PCDH11X: variants seen among roughly 807,000 people sequenced by gnomAD.
The protein encoded by PCDH11X is protocadherin-11 X-linked.
Under a neutral mutation model 53.3 loss-of-function variants are expected in PCDH11X, and 18 were observed. The observed-to-expected ratio is 0.34, with a 90% CI of 0.23 to 0.50. PCDH11X has a LOEUF of 0.50. Ranked by LOEUF, PCDH11X falls within the 20% of genes least tolerant of loss-of-function variation. PCDH11X has a pLI of 0.98. For missense variants in PCDH11X, 570 were observed against 1,032.4 expected, an observed-to-expected ratio of 0.55 and a Z score of 6.14; for synonymous variants, 279 against 393.3, an observed-to-expected ratio of 0.71 and a Z score of 3.44.
At chrX:92,557,823 G>GA (rs773306864) in intron 10 of PCDH11X, among the ~76,000 whole-genome samples, 159 of 106,986 alleles carry the variant, frequency 1.5e-3, no homozygotes, top group Admixed American at 3.2e-3. Flanking sequence ...ACAGTGACAT[G>GA]AAAAAAAAAA....
At chrX:92,382,947 A>G (rs937547275) in intron 8 of PCDH11X, among the ~76,000 whole-genome samples, 2 of 110,621 alleles carry the variant, frequency 1.8e-5, no homozygotes, top group East Asian at 2.8e-4. Flanking sequence ...CAGCTTTTCC[A>G]TATTGAAAAA....
Position 92,382,763 on chromosome X carries a change from A to G in PCDH11X, c.3145-4972A>G, listed in dbSNP as rs183064031. On this transcript the variant is annotated intron_variant, in intron 8 of 10. Coordinates refer to ENST00000682573, the MANE Select transcript of PCDH11X (RefSeq NM_032968.5). ...TTTCAGGGCAAATATTTATTCATGA[A>G]AACGCCAGGATTTATTTCCATCCCA... Among the ~76,000 whole-genome samples, 41 of 109,835 alleles carry G rather than the reference A, an allele frequency of 3.7e-4. No homozygotes were observed. In the East Asian group the frequency reaches 0.011, roughly 29 times the overall value.
intron 5 of PCDH11X, among the ~76,000 whole-genome samples, chrX:91,865,848 G>A (rs766699238): frequency 2.0e-4 from 22 of 111,593 alleles, no homozygotes; most frequent in African/African-American, 6.5e-4. Flanking sequence ...AGGCTCTTAA[G>A]TCAGCTTGTG....
chrX:92,107,587 T>C (rs1411304495), intron 6 of PCDH11X, among the ~76,000 whole-genome samples: 11 of 111,871 alleles, frequency 9.8e-5, no homozygotes, highest in Admixed American at 2.8e-4. Flanking sequence ...AAATACAAAA[T>C]TAGCAGGGCA....
chrX:92,099,649 A>G (rs1179781383), intron 6 of PCDH11X, among the ~76,000 whole-genome samples: 1 of 111,729 alleles, frequency 9.0e-6, no homozygotes, highest in Non-Finnish European at 1.9e-5. Flanking sequence ...CAAACAATAC[A>G]TGTTTTGAGT....
intron 6 of PCDH11X, chrX:91,982,954 C>A: frequency 8.8e-7 from 1 of 1,136,257 alleles, no homozygotes. Context: ...CCGTCATTCA[C>A]ATTAGTGTGA....
intron 6 of PCDH11X, among the ~76,000 whole-genome samples, chrX:92,106,879 G>C (rs1459131284): frequency 9.0e-6 from 1 of 111,291 alleles, no homozygotes; most frequent in African/African-American, 3.3e-5. Flanking sequence ...TGACAGAAGA[G>C]GGGAAGGCAC....
intron 6 of PCDH11X, among the ~76,000 whole-genome samples, chrX:91,971,962 T>A (rs774946081): frequency 9.0e-6 from 1 of 111,621 alleles, no homozygotes; most frequent in Admixed American, 9.6e-5. Flanking sequence ...AAAATTTTAA[T>A]TAGATACAAA....
At chrX:92,345,733 G>A (rs1020766778) in intron 8 of PCDH11X, among the ~76,000 whole-genome samples, 11 of 109,981 alleles carry the variant, frequency 1.0e-4, no homozygotes, top group Admixed American at 2.9e-4. Context: ...ATGAAGTTAC[G>A]TCTGTCATCT....
At position 92,034,482 on chromosome X, in the gene PCDH11X, C is replaced by T. The variant is rs1040477133; in HGVS notation, c.3033+155209C>T. 1.7e-4 allele frequency among the ~76,000 whole-genome samples: 18 copies of T among 108,049 alleles called. 1 individual carries two copies. The East Asian group carries it at 2.8e-3, about 17-fold the overall frequency. 93.8% of individuals were successfully genotyped at this position (108,049 alleles called of 115,157 possible). ...CCTCTTTCTGAATTGACTACTTTAT[C>T]ATTATACTATAACCTTCTTTGTCTC... is the stretch of plus-strand genomic sequence containing the variant. On this transcript the variant is annotated intron_variant, in intron 6 of 10. Coordinates refer to ENST00000682573, the MANE Select transcript of PCDH11X (RefSeq NM_032968.5).
At chrX:92,315,030 G>A (rs1219694040) in intron 8 of PCDH11X, among the ~76,000 whole-genome samples, 1 of 110,292 alleles carries the variant, frequency 9.1e-6, no homozygotes, top group Non-Finnish European at 1.9e-5. Flanking sequence ...TCCCTTTCAA[G>A]TTCTAGCATG....
intron 7 of PCDH11X, among the ~76,000 whole-genome samples, chrX:92,230,118 A>G (rs2067039307): frequency 9.1e-6 from 1 of 109,969 alleles, no homozygotes; most frequent in South Asian, 3.8e-4. Context: ...TTAGAGTGAG[A>G]TAATATTCCA....
At chrX:92,462,007 T>C in intron 9 of PCDH11X, among the ~76,000 whole-genome samples, 1 of 112,566 alleles carries the variant, frequency 8.9e-6, no homozygotes, top group East Asian at 2.8e-4. Context: ...GAGACTTTAA[T>C]TACCTACTGT....
At chrX:92,183,986 T>C (rs1167321491) in intron 6 of PCDH11X, among the ~76,000 whole-genome samples, 1 of 111,855 alleles carries the variant, frequency 8.9e-6, no homozygotes, top group Non-Finnish European at 1.9e-5. Context: ...GACTATTTTT[T>C]TTTTTTGTTT....
At chrX:92,015,471 T>G (rs1362167859) in intron 6 of PCDH11X, among the ~76,000 whole-genome samples, 1 of 112,723 alleles carries the variant, frequency 8.9e-6, no homozygotes, top group Non-Finnish European at 1.9e-5. Flanking sequence ...TTTCAGTCAA[T>G]CCTTTTATGC....
In PCDH11X at chrX:92,221,962, C is replaced by T. The variant is rs146060838; in HGVS notation, c.3114+20507C>T. Among the ~76,000 whole-genome samples the T allele has an allele frequency of 7.4e-3, 813 of 110,482 alleles. 7 individuals are homozygous for T. The highest frequency in any genetic ancestry group is 0.026 in the African/African-American group (776 of 30,423). On this transcript the variant is annotated intron_variant, in intron 7 of 10. Coordinates refer to ENST00000682573, the MANE Select transcript of PCDH11X (RefSeq NM_032968.5). ...TATTTTCCTGCCTCAGCCTCCTGAG[C>T]AGCTGGGCTTACAGGTGCACGCCAC...
At chrX:92,589,530 A>G (rs1157641970) in intron 10 of PCDH11X, among the ~76,000 whole-genome samples, 1 of 111,890 alleles carries the variant, frequency 8.9e-6, no homozygotes, top group African/African-American at 3.2e-5. Context: ...ACCTTAAAAA[A>G]TGAGGTATAA....
intron 6 of PCDH11X, among the ~76,000 whole-genome samples, chrX:92,069,015 T>C (rs1311471596): frequency 9.1e-6 from 1 of 110,357 alleles, no homozygotes; most frequent in Non-Finnish European, 1.9e-5. Flanking sequence ...GCAGATTAAA[T>C]CTGAAGTTTC....
At chrX:92,186,506 T>C (rs1446203532) in intron 6 of PCDH11X, among the ~76,000 whole-genome samples, 1 of 109,435 alleles carries the variant, frequency 9.1e-6, no homozygotes, top group Non-Finnish European at 1.9e-5. Context: ...CATGCACCTG[T>C]AATCCCAGCT....
Sources: gnomAD v4.1 joint callset for allele counts (sites outside exome capture counted in the v4.1 genomes callset) on GRCh38, gnomAD v4.1.1 for gene constraint, MANE v1.5 for transcripts, NCBI Gene and HGNC (gene_info 2026-07-23, HGNC 2026-07-21) for gene names.